RMDN3: variants seen among roughly 807,000 people sequenced by gnomAD.
RMDN3 encodes the protein regulator of microtubule dynamics protein 3.
RMDN3 carries 41 observed loss-of-function variants against 61.8 expected under a neutral mutation model. The ratio of observed to expected loss-of-function variants is 0.66; its 90% CI spans 0.52 to 0.86. The LOEUF (loss-of-function observed/expected upper bound fraction) is 0.86, where lower values mean the gene tolerates loss of function less well. RMDN3 is among the 40% of genes least tolerant of loss of function. The probability of loss-of-function intolerance (pLI) is 0.00; values close to 1 mark genes in which losing one functional copy is unlikely to be tolerated. For missense variants in RMDN3, 557 were observed against 585.3 expected, an observed-to-expected ratio of 0.95 and a Z score of 0.50; for synonymous variants, 247 against 232.0, an observed-to-expected ratio of 1.06 and a Z score of -0.59.
At chr15:40,744,201 A>G (rs1160000586) in intron 5 of RMDN3, 52 bp from the exon 6 acceptor site, 1 of 1,558,034 alleles carries the variant, frequency 6.4e-7, no homozygotes, top group African/African-American at 1.4e-5. Flanking sequence ...ACTGTGGAGA[A>G]TGGGGGCCTT....
intron 10 of RMDN3, 59 bp from the exon 11 acceptor site, chr15:40,737,400 G>C (rs1897099024): frequency 1.1e-5 from 17 of 1,514,904 alleles, no homozygotes; most frequent in Non-Finnish European, 1.5e-5. Context: ...TCAGGCTGAA[G>C]TTTATTAAAC....
rs1897853025 is a variant in RMDN3 at position 40,752,101 on chromosome 15, TCTC to T, written c.262_264del (p.Glu88del). 6.2e-7 allele frequency: 1 copy of T among 1,614,114 alleles called. No individual in the cohort carries two copies. The highest frequency in any genetic ancestry group is 2.2e-5 in the East Asian group (1 of 44,872). On this transcript the variant is annotated inframe_deletion, in exon 3 of 13. Coordinates refer to ENST00000338376, the MANE Select transcript of RMDN3 (RefSeq NM_018145.3). ...ACAAAGTCCAGGCGGTCCAGCACCT[TCTC>T]CTGTCCTTCCCGTGGAAGGCTGGGC...
chr15:40,745,580 G>A (rs1165761421), intron 4 of RMDN3, among the ~76,000 whole-genome samples: 1 of 151,810 alleles, frequency 6.6e-6, no homozygotes, highest in African/African-American at 2.4e-5. Flanking sequence ...TGCCCAGACT[G>A]GTCTCAAACC....
intron 2 of RMDN3, 56 bp from the exon 3 acceptor site, chr15:40,752,234 A>G: frequency 6.5e-7 from 1 of 1,533,532 alleles, no homozygotes; most frequent in Non-Finnish European, 8.9e-7. Context: ...TGGGGAAGAG[A>G]TCTCACACCC....
chr15:40,753,067 G>A (rs769628195), intron 2 of RMDN3, among the ~76,000 whole-genome samples: 3 of 152,108 alleles, frequency 2.0e-5, no homozygotes, highest in African/African-American at 7.2e-5. Flanking sequence ...ACAAGGGAAG[G>A]AAGCACACTC....
At chr15:40,751,870 G>T in intron 3 of RMDN3, 116 bp downstream of exon 3, 1 of 1,157,744 alleles carries the variant, frequency 8.6e-7, no homozygotes, top group Non-Finnish European at 1.2e-6. Flanking sequence ...CCCAGATTAG[G>T]CTAGAAGCTA....
At chr15:40,741,732 GATTCTCCTGCGTC>G (rs977765931) in intron 6 of RMDN3, among the ~76,000 whole-genome samples, 47 of 144,510 alleles carry the variant, frequency 3.3e-4, no homozygotes, top group Admixed American at 3.2e-3. Context: ...AGGTTCAAGT[GATTCTCCTGCGTC>G]AGCCTCCCGA....
intron 4 of RMDN3, among the ~76,000 whole-genome samples, chr15:40,749,164 A>G (rs562821052): frequency 1.6e-4 from 25 of 152,326 alleles, no homozygotes; most frequent in African/African-American, 5.1e-4. Context: ...TGGCCTCCCA[A>G]CGTGCTGGGA....
At chr15:40,742,527 AC>A (rs1380258167) in intron 6 of RMDN3, among the ~76,000 whole-genome samples, 2 of 152,114 alleles carry the variant, frequency 1.3e-5, no homozygotes. Flanking sequence ...ATTGCCTGAG[AC>A]CCCACAGAAT....
chr15:40,747,778 G>A (rs1007826809), intron 4 of RMDN3: 2 of 152,090 alleles, frequency 1.3e-5, no homozygotes, highest in Admixed American at 6.6e-5. Context: ...CTCTTAAGCA[G>A]TAATGAAGGA....
At chr15:40,743,599 A>G (rs1389329564) in intron 6 of RMDN3, among the ~76,000 whole-genome samples, 1 of 152,106 alleles carries the variant, frequency 6.6e-6, no homozygotes, top group African/African-American at 2.4e-5. Flanking sequence ...GATGCACCCT[A>G]TCCTCCAGGG....
Position 40,751,444 on chromosome 15 carries a change from T to C in RMDN3, c.506A>G (p.Asp169Gly). The change falls in exon 4 of 13, where the codon GAT becomes GGT. Residue 169 changes from aspartate (D) to glycine (G), a missense_variant. Physicochemically the swap from Asp to Gly is moderately conservative, Grantham distance 94. Transcript: ENST00000338376. ...FTASSGATFT[D>G]AESEGGYTTA... ...AACTCACCCCCCTTCACTCTCAGCA[T>C]CTGTGAACGTGGCTCCCGAGGAGGC... The C allele has an allele frequency of 6.2e-7, 1 of 1,614,222 alleles. No individual in the cohort carries two copies. Among genetic ancestry groups the C allele is most frequent in the Non-Finnish European group, 8.5e-7 (1 of 1,180,048 alleles).
intron 4 of RMDN3, among the ~76,000 whole-genome samples, chr15:40,749,752 T>G (rs1236237527): frequency 6.6e-6 from 1 of 152,198 alleles, no homozygotes; most frequent in Non-Finnish European, 1.5e-5. Flanking sequence ...TTAATTTCAT[T>G]TTTGCCCCCT....
chr15:40,747,658 C>A (rs1055816585), intron 4 of RMDN3: 1 of 132,088 alleles, frequency 7.6e-6, no homozygotes, highest in Non-Finnish European at 1.7e-5. Context: ...CTGCCAGAGA[C>A]GAGCAGGGAC....
intron 7 of RMDN3, 149 bp downstream of exon 7, chr15:40,739,984 G>C: frequency 1.5e-6 from 1 of 657,640 alleles, no homozygotes; most frequent in Non-Finnish European, 2.8e-6. Context: ...CTGGCTAGGG[G>C]TAGACTGAGG....
chr15:40,745,504 C>T lies in RMDN3; in HGVS notation c.525-245G>A, dbSNP rs371469428. On this transcript the variant is annotated intron_variant, in intron 4 of 12. Transcript: ENST00000338376. Reference sequence around the variant, plus strand: ...CTTGGCTCACTCAAACCTCCACCTCCTGGGGTCAAGCAATTCTCCCACCTA... The same window carrying T: ...CTTGGCTCACTCAAACCTCCACCTCTTGGGGTCAAGCAATTCTCCCACCTA... Among the ~76,000 whole-genome samples, 13 of 151,394 alleles carry T rather than the reference C, an allele frequency of 8.6e-5. No individual in the cohort carries two copies. In the East Asian group the frequency reaches 2.3e-3, roughly 27 times the overall value.
At chr15:40,753,971 T>C (rs1007966917) in intron 2 of RMDN3, among the ~76,000 whole-genome samples, 7 of 152,214 alleles carry the variant, frequency 4.6e-5, no homozygotes, top group Non-Finnish European at 8.8e-5. Context: ...TTTGGACTCT[T>C]CCTCTACTTA....
rs71428308 is a variant in RMDN3 at position 40,754,127 on chromosome 15, C to CTT, written c.187+468_187+469dup. Among the ~76,000 whole-genome samples the CTT allele has an allele frequency of 1.6e-4, 20 of 123,878 alleles. 1 individual carries two copies. The highest frequency in any genetic ancestry group is 2.5e-4 in the African/African-American group (8 of 31,780). The allele number at this position is 123,878 out of a possible 152,430, so 81.3% of individuals were successfully genotyped here. A position where few individuals can be genotyped will look rare whatever the true frequency, so the allele number is the denominator to read the frequency against. ...GAAAGAGTAGAGAAAACCACGACTG[C>CTT]TTTTTTTTTTTTTTTTTTTTTGAGA... On this transcript the variant is annotated intron_variant, in intron 2 of 12. Coordinates refer to ENST00000338376, the MANE Select transcript of RMDN3 (RefSeq NM_018145.3).
rs547793688 is a variant in RMDN3, at chr15:40,755,182, T to C, written c.-107A>G. On this transcript the variant is annotated 5_prime_UTR_variant, in exon 1 of 13. Coordinates refer to ENST00000338376, the MANE Select transcript of RMDN3 (RefSeq NM_018145.3). ...GAAGGCGCTCTGGCCTGGCAGGAGA[T>C]CCACTCAGACCCTTACCCGGCCGCC... is the stretch of plus-strand genomic sequence containing the variant. The C allele has an allele frequency of 1.2e-3, 196 of 168,412 alleles. No individual in the cohort carries two copies. The highest frequency in any genetic ancestry group is 4.5e-3 in the African/African-American group (190 of 41,990). 10.4% of individuals were successfully genotyped at this position (168,412 alleles called of 1,614,324 possible). A position where few individuals can be genotyped will look rare whatever the true frequency, so the allele number is the denominator to read the frequency against.
Sources: gnomAD v4.1 joint callset for allele counts (sites outside exome capture counted in the v4.1 genomes callset) on GRCh38, gnomAD v4.1.1 for gene constraint, MANE v1.5 for transcripts, NCBI Gene and HGNC (gene_info 2026-07-23, HGNC 2026-07-21) for gene names.